TPD52: variants seen among roughly 807,000 people sequenced by gnomAD.
The protein encoded by TPD52 is tumor protein D52.
In TPD52, 17 loss-of-function variants were observed where a neutral mutation model predicts 31.3. That is an observed-to-expected ratio of 0.54 (90% confidence interval 0.37 to 0.82). The LOEUF is 0.82. Among genes scored for constraint, TPD52 ranks in the 40% least tolerant of loss-of-function variants. TPD52 has a pLI of 0.00. For missense variants in TPD52, 212 were observed against 240.1 expected (o/e 0.88, Z 0.77); for synonymous variants, 83 against 89.6 (o/e 0.93, Z 0.42).
chr8:80,148,719 T>C (rs577885362), intron 1 of TPD52, among the ~76,000 whole-genome samples: 2 of 152,274 alleles, frequency 1.3e-5, no homozygotes, highest in East Asian at 1.9e-4. Flanking sequence ...GTTACTCCAA[T>C]TTCAAGCTTT....
intron 2 of TPD52, among the ~76,000 whole-genome samples, chr8:80,057,924 T>C (rs78461649): frequency 0.034 from 5,128 of 152,260 alleles, 230 homozygotes; most frequent in African/African-American, 0.096. Flanking sequence ...GGTAACTTCA[T>C]TTGTTAAATA....
chr8:80,145,649 G>A (rs1478649594), intron 1 of TPD52, among the ~76,000 whole-genome samples: 1 of 152,166 alleles, frequency 6.6e-6, no homozygotes, highest in African/African-American at 2.4e-5. Flanking sequence ...ATCATCAGCA[G>A]TATGACAAAC....
intron 1 of TPD52, among the ~76,000 whole-genome samples, chr8:80,090,674 A>G (rs1055781366): frequency 2.6e-5 from 4 of 152,008 alleles, no homozygotes; most frequent in African/African-American, 7.2e-5. Flanking sequence ...CCAATGGGGG[A>G]AAAAAGACTA....
At chr8:80,133,612 A>G (rs1371086386) in intron 1 of TPD52, among the ~76,000 whole-genome samples, 2 of 152,070 alleles carry the variant, frequency 1.3e-5, no homozygotes, top group African/African-American at 4.8e-5. Context: ...TCCTTCCCTC[A>G]GTTTCCTTTG....
chr8:80,106,073 T>G (rs1166275650), intron 1 of TPD52, among the ~76,000 whole-genome samples: 1 of 151,452 alleles, frequency 6.6e-6, no homozygotes, highest in African/African-American at 2.5e-5. Flanking sequence ...ACATGGATTT[T>G]TTTCCTATTT....
chr8:80,088,821 A>G (rs773482893), intron 1 of TPD52, among the ~76,000 whole-genome samples: 2 of 152,204 alleles, frequency 1.3e-5, no homozygotes, highest in Non-Finnish European at 2.9e-5. Flanking sequence ...CTCACGCAAA[A>G]GGCCTTTTTC....
At chr8:80,133,783 CAGAAA>C (rs1161715683) in intron 1 of TPD52, among the ~76,000 whole-genome samples, 1 of 141,486 alleles carries the variant, frequency 7.1e-6, no homozygotes, top group Non-Finnish European at 1.5e-5. Context: ...AAAAAAAAAA[CAGAAA>C]AGAAAAGAAA....
intron 1 of TPD52, among the ~76,000 whole-genome samples, chr8:80,085,814 G>A (rs1815704369): frequency 6.6e-6 from 1 of 152,182 alleles, no homozygotes; most frequent in African/African-American, 2.4e-5. Context: ...GATGTTTAAA[G>A]TGCCTCTCCA....
chr8:80,102,727 G>A (rs1379578741), intron 1 of TPD52, among the ~76,000 whole-genome samples: 2 of 152,140 alleles, frequency 1.3e-5, no homozygotes, highest in Middle Eastern at 3.2e-3. Flanking sequence ...GTAGCTGGGG[G>A]TTCCTAGATA....
chr8:80,167,375 A>G (rs1811785645), intron 1 of TPD52, among the ~76,000 whole-genome samples: 1 of 152,194 alleles, frequency 6.6e-6, no homozygotes, highest in Non-Finnish European at 1.5e-5. Context: ...GAGTGAGCGT[A>G]TTTGTTTTTA....
intron 1 of TPD52, among the ~76,000 whole-genome samples, chr8:80,164,011 T>A (rs1811535326): frequency 8.8e-6 from 1 of 113,546 alleles, no homozygotes; most frequent in African/African-American, 3.9e-5. Context: ...AAATTCTAAC[T>A]GTGAGAGAGA....
intron 1 of TPD52, among the ~76,000 whole-genome samples, chr8:80,157,312 G>C (rs1458144201): frequency 6.6e-6 from 1 of 151,728 alleles, no homozygotes; most frequent in Non-Finnish European, 1.5e-5. Flanking sequence ...GGATGGTAAT[G>C]CTGGGAAAAA....
intron 1 of TPD52, among the ~76,000 whole-genome samples, chr8:80,095,301 A>G (rs1816647405): frequency 6.6e-6 from 1 of 152,218 alleles, no homozygotes. Flanking sequence ...CAACTATGTG[A>G]CATTCTGGAA....
Position 80,171,427 on chromosome 8 carries a change from T to G in TPD52, c.17A>C (p.Gln6Pro). 1 of 1,595,620 alleles carries G rather than the reference T, an allele frequency of 6.3e-7. No individual in the cohort carries two copies. Among genetic ancestry groups the G allele is most frequent in the East Asian group, 2.2e-5 (1 of 44,490 alleles). MDRGE[Q>P]GLLRTDPVPE... ...GCCCGCTGGGTCCGCGCCCTCACCT[T>G]GCTCGCCGCGGTCCATGTCTCCAGC... Residue 6 changes from glutamine (Q) to proline (P), a missense_variant and splice_region_variant, in exon 1 of 8, where the codon CAA (glutamine) becomes CCA (proline). Gln to Pro is a moderately conservative substitution (Grantham distance 76). Transcript: ENST00000518937.
intron 1 of TPD52, among the ~76,000 whole-genome samples, chr8:80,071,916 C>T (rs1813844372): frequency 6.6e-6 from 1 of 152,156 alleles, no homozygotes; most frequent in South Asian, 2.1e-4. Flanking sequence ...CCCCACTCCC[C>T]AGCACCTGCC....
At chr8:80,032,636 T>TG (rs2130282838), downstream of TPD52, 1 of 152,396 alleles carries the variant, frequency 6.6e-6, no homozygotes, top group South Asian at 2.1e-4. Context: ...ATCTATAAAA[T>TG]GGTGACACTG....
At chr8:80,042,907 G>A (rs761994379) in intron 6 of TPD52, 1 of 387,200 alleles carries the variant, frequency 2.6e-6, no homozygotes, top group South Asian at 4.9e-5. Flanking sequence ...TCAGACATAA[G>A]TAATATAGAT....
At chr8:80,156,845 T>C (rs952831823) in intron 1 of TPD52, among the ~76,000 whole-genome samples, 1 of 151,798 alleles carries the variant, frequency 6.6e-6, no homozygotes, top group East Asian at 1.9e-4. Flanking sequence ...ATTTGGGCTC[T>C]GTGGATTGGG....
intron 1 of TPD52, among the ~76,000 whole-genome samples, chr8:80,159,110 C>T (rs1469335155): frequency 6.6e-6 from 1 of 152,154 alleles, no homozygotes; most frequent in Non-Finnish European, 1.5e-5. Context: ...TAGCATTTTA[C>T]AGAAGTATCT....
Sources: allele counts gnomAD v4.1 joint callset (sites outside exome capture counted in the v4.1 genomes callset), GRCh38; gene constraint gnomAD v4.1.1; transcripts MANE v1.5; gene names NCBI Gene and HGNC (gene_info 2026-07-23, HGNC 2026-07-21).